The following PRKG1 variants were observed in gnomAD, a reference collection of about 807,000 sequenced individuals.
PRKG1 encodes the protein cGMP-dependent protein kinase 1.
Under a neutral mutation model 88.1 loss-of-function variants are expected in PRKG1, and 35 were observed. That is an observed-to-expected ratio of 0.40 (90% CI 0.30 to 0.53). The LOEUF is 0.53. PRKG1 is among the 20% of genes least tolerant of loss of function. The probability of loss-of-function intolerance (pLI) is 0.59; values close to 1 mark genes in which losing one functional copy is unlikely to be tolerated. For synonymous variants in PRKG1, 303 were observed against 292.5 expected, an observed-to-expected ratio of 1.04 and a Z score of -0.37; for missense variants, 540 against 839.8, an observed-to-expected ratio of 0.64 and a Z score of 4.41.
At chr10:51,339,646 A>G (rs1421829089) in intron 2 of PRKG1, among the ~76,000 whole-genome samples, 1 of 151,934 alleles carries the variant, frequency 6.6e-6, no homozygotes, top group Non-Finnish European at 1.5e-5. Context: ...ATTCCTTTGC[A>G]TATAAGTTCG....
chr10:52,107,312 AC>A (rs1342360879), intron 7 of PRKG1, among the ~76,000 whole-genome samples: 4 of 152,236 alleles, frequency 2.6e-5, no homozygotes, highest in Non-Finnish European at 5.9e-5. Flanking sequence ...AAGACCTAAA[AC>A]ATGGGAAAAG....
At chr10:52,290,984 G>A (rs181350374) in intron 17 of PRKG1, among the ~76,000 whole-genome samples, 20 of 145,998 alleles carry the variant, frequency 1.4e-4, no homozygotes, top group East Asian at 6.1e-4. Context: ...ATGCAGTGGC[G>A]TGATCTCGGC....
intron 1 of PRKG1, among the ~76,000 whole-genome samples, chr10:51,058,842 CA>C (rs1405848313): frequency 1.3e-5 from 2 of 152,156 alleles, no homozygotes; most frequent in Non-Finnish European, 2.9e-5. Context: ...GTATATCACA[CA>C]AAAAGGGGCA....
At chr10:51,012,684 T>A (rs902547477) in intron 1 of PRKG1, among the ~76,000 whole-genome samples, 1 of 152,228 alleles carries the variant, frequency 6.6e-6, no homozygotes, top group African/African-American at 2.4e-5. Context: ...AAGGGCACAA[T>A]AGTGCAAGTC....
At chr10:51,550,898 A>G (rs1023031082) in intron 3 of PRKG1, among the ~76,000 whole-genome samples, 1 of 151,958 alleles carries the variant, frequency 6.6e-6, no homozygotes, top group Non-Finnish European at 1.5e-5. Context: ...CCTAAATGAC[A>G]ATGCAAACCT....
intron 4 of PRKG1, among the ~76,000 whole-genome samples, chr10:51,835,240 G>A (rs967210403): frequency 6.6e-6 from 1 of 152,194 alleles, no homozygotes; most frequent in African/African-American, 2.4e-5. Flanking sequence ...CAAGCTGGAT[G>A]GGAAGGAAGT....
At chr10:52,086,435 C>T (rs924106652) in intron 7 of PRKG1, among the ~76,000 whole-genome samples, 13 of 143,408 alleles carry the variant, frequency 9.1e-5, no homozygotes, top group East Asian at 4.1e-4. Context: ...GAGACAGTCT[C>T]GCTCTATCAC....
At chr10:51,488,303 A>G (rs186812014) in intron 3 of PRKG1, among the ~76,000 whole-genome samples, 7 of 152,152 alleles carry the variant, frequency 4.6e-5, no homozygotes, top group Non-Finnish European at 8.8e-5. Context: ...TACTTTGGTC[A>G]TTCTAGGTTT....
At chr10:51,000,257 C>T (rs74133926) in intron 1 of PRKG1, among the ~76,000 whole-genome samples, 6 of 152,284 alleles carry the variant, frequency 3.9e-5, no homozygotes, top group Admixed American at 6.5e-5. Flanking sequence ...AGGCACCTCC[C>T]GAGGGATAGC....
intron 3 of PRKG1, among the ~76,000 whole-genome samples, chr10:51,589,392 G>A (rs1838252001): frequency 6.6e-6 from 1 of 152,190 alleles, no homozygotes; most frequent in Non-Finnish European, 1.5e-5. Flanking sequence ...GGGAGGCTGA[G>A]GAGGGTGTAT....
intron 2 of PRKG1, among the ~76,000 whole-genome samples, chr10:51,358,962 T>A (rs1031706456): frequency 6.6e-6 from 1 of 151,594 alleles, no homozygotes; most frequent in Non-Finnish European, 1.5e-5. Context: ...TTTTGTAGAT[T>A]TTTCCTGCAT....
rs1841306242 is a variant in PRKG1, at chr10:52,256,286, T to C, written c.1173+4620T>C. Among the ~76,000 whole-genome samples, 2 of 139,352 alleles carry C rather than the reference T, an allele frequency of 1.4e-5. 1 individual carries two copies. Among genetic ancestry groups the C allele is most frequent in the Non-Finnish European group, 3.2e-5 (2 of 61,682 alleles). The allele number at this position is 139,352 out of a possible 152,430, so 91.4% of individuals were successfully genotyped here. On this transcript the variant is annotated intron_variant, in intron 10 of 17. Transcript: ENST00000373980. Reference sequence around the variant, plus strand: ...AGTAATTGTCTGCTGTGTGCCTCTCTTTTTGTTATATCCTCAGAGGCTCCC... The same window carrying C: ...AGTAATTGTCTGCTGTGTGCCTCTCCTTTTGTTATATCCTCAGAGGCTCCC...
intron 2 of PRKG1, among the ~76,000 whole-genome samples, chr10:51,157,047 T>C (rs1250250748): frequency 6.6e-6 from 1 of 151,950 alleles, no homozygotes; most frequent in Non-Finnish European, 1.5e-5. Context: ...ACATGTGCCT[T>C]ACATATTTTT....
intron 5 of PRKG1, among the ~76,000 whole-genome samples, chr10:51,968,513 A>T (rs759741622): frequency 1.3e-5 from 2 of 152,042 alleles, no homozygotes; most frequent in Non-Finnish European, 2.9e-5. Flanking sequence ...GATGGTGATG[A>T]TGGTATTAAT....
At chr10:52,091,854 G>A (rs985421591) in intron 7 of PRKG1, among the ~76,000 whole-genome samples, 1 of 152,192 alleles carries the variant, frequency 6.6e-6, no homozygotes, top group Non-Finnish European at 1.5e-5. Flanking sequence ...ATGGAATTTT[G>A]ATATTCATCC....
At chr10:51,826,060 G>A (rs761918155) in intron 4 of PRKG1, among the ~76,000 whole-genome samples, 8 of 152,222 alleles carry the variant, frequency 5.3e-5, no homozygotes, top group Middle Eastern at 6.8e-3. Flanking sequence ...AAGCTATTAG[G>A]GTAAGGGGCC....
At chr10:51,423,887 G>A (rs941337650) in intron 2 of PRKG1, among the ~76,000 whole-genome samples, 2 of 151,966 alleles carry the variant, frequency 1.3e-5, no homozygotes, top group African/African-American at 4.8e-5. Flanking sequence ...TAAAAATAGG[G>A]CATAAATTGA....
chr10:51,833,332 T>C (rs1397083502), intron 4 of PRKG1, among the ~76,000 whole-genome samples: 1 of 152,188 alleles, frequency 6.6e-6, no homozygotes, highest in Non-Finnish European at 1.5e-5. Flanking sequence ...GGGATAGTCA[T>C]TGAGCATATA....
intron 2 of PRKG1, among the ~76,000 whole-genome samples, chr10:51,393,307 GC>G (rs1176074108): frequency 3.3e-5 from 5 of 151,494 alleles, no homozygotes; most frequent in Non-Finnish European, 7.4e-5. Flanking sequence ...TGGGATGGCG[GC>G]CGGGAAGAGG....
Sources: allele counts gnomAD v4.1 joint callset (sites outside exome capture counted in the v4.1 genomes callset), GRCh38; gene constraint gnomAD v4.1.1; transcripts MANE v1.5; gene names NCBI Gene and HGNC (gene_info 2026-07-23, HGNC 2026-07-21).